The following C3 variants were observed in gnomAD, a reference collection of about 807,000 sequenced individuals.
The protein encoded by C3 is C3 and PZP-like alpha-2-macroglobulin domain-containing protein 1.
In C3, 97 loss-of-function variants were observed where a neutral mutation model predicts 207.9. The ratio of observed to expected loss-of-function variants is 0.47; its 90% CI spans 0.40 to 0.55. The LOEUF (loss-of-function observed/expected upper bound fraction) is 0.55. Among genes scored for constraint, C3 ranks in the 20% least tolerant of loss-of-function variants. The pLI, the probability that C3 is intolerant of heterozygous loss-of-function variation, is 0.00. For missense variants in C3, 1,684 were observed against 2,171.7 expected (o/e 0.78, Z 4.46); for synonymous variants, 848 against 857.6 (o/e 0.99, Z 0.20).
intron 8 of C3, 22 bp from the exon 9 acceptor site, chr19:6,713,337 CAG>C (rs1399315180): frequency 1.2e-6 from 2 of 1,613,732 alleles, no homozygotes; most frequent in African/African-American, 2.7e-5. Flanking sequence ...GAGGAGGGCT[CAG>C]AGAGGGGAGC....
At position 6,677,947 on chromosome 19, in the gene C3, G is replaced by C. The variant is rs1917752985; in HGVS notation, c.4927C>G (p.Gln1643Glu). 2 of 1,614,126 alleles carry C rather than the reference G, an allele frequency of 1.2e-6. No homozygotes were observed. The highest frequency in any genetic ancestry group is 1.7e-6 in the Non-Finnish European group (2 of 1,180,016). ...GCGCCGAGGTCCTGGCATTGTTTCT[G>C]GTTCTCTTCGTCTTGGCATTCGTCC... ...EEDECQDEEN[Q>E]KQCQDLGAFT... Residue 1643 changes from glutamine to glutamate, a missense_variant, in exon 41 of 41, where the codon CAG becomes GAG. Physicochemically the swap from Gln to Glu is conservative, Grantham distance 29. Coordinates refer to ENST00000245907, the MANE Select transcript of C3 (RefSeq NM_000064.4).
Position 6,689,361 on chromosome 19 carries a change from CT to C in C3, c.3489+1267del, listed in dbSNP as rs1918110940. On this transcript the variant is annotated intron_variant, in intron 27 of 40. Transcript: ENST00000245907. ...CCTCCCTCCCTCCCTCCCTCCCTCC[CT>C]CTCTCTCTCTCTCTCTCTCTCTCTC... 1.2e-3 allele frequency among the ~76,000 whole-genome samples: 59 copies of C among 47,552 alleles called. 1 individual carries two copies. The highest frequency in any genetic ancestry group is 4.3e-3 in the African/African-American group (52 of 12,088). The allele number at this position is 47,552 out of a possible 152,430, so 31.2% of individuals were successfully genotyped here.
At chr19:6,691,816 C>G (rs920499986) in intron 26 of C3, among the ~76,000 whole-genome samples, 6 of 152,096 alleles carry the variant, frequency 3.9e-5, no homozygotes, top group African/African-American at 1.2e-4. Flanking sequence ...GAAACCCCGT[C>G]TCTACTAAAA....
chr19:6,682,034 G>A lies in C3; in HGVS notation c.4261-4C>T. 1 of 1,613,770 alleles carries A rather than the reference G, an allele frequency of 6.2e-7. No homozygotes were observed. Among genetic ancestry groups the A allele is most frequent in the Non-Finnish European group, 8.5e-7 (1 of 1,179,672 alleles). On this transcript the variant is annotated splice_region_variant and splice_polypyrimidine_tract_variant and intron_variant, in intron 34 of 40. Transcript: ENST00000245907. Reference sequence around the variant, plus strand: ...ATCTGTCAACACCATTGGCCAGCTGGGGAAAGGTGGAGCCTGTGAAAAATC... The same window carrying A: ...ATCTGTCAACACCATTGGCCAGCTGAGGAAAGGTGGAGCCTGTGAAAAATC...
In C3 at chr19:6,707,229, T is replaced by A. The variant is rs778516486; in HGVS notation, c.2092A>T (p.Met698Leu). 1 of 1,613,438 alleles carries A rather than the reference T, an allele frequency of 6.2e-7. No individual in the cohort carries two copies. The highest frequency in any genetic ancestry group is 1.7e-5 in the Admixed American group (1 of 59,956). ...KELRKCCEDG[M>L]RENPMRFSCQ... ...GAGAACCTCATGGGGTTCTCCCGCA[T>A]GCCGTCCTCGCAGCACTTGCGCAGC... Residue 698 changes from methionine to leucine, a missense_variant, in exon 17 of 41, where the codon ATG (methionine) becomes TTG (leucine). Met to Leu is a conservative substitution (Grantham distance 15). This residue lies in a region of C3 where 1,280 missense variants were observed against 1,739.1 expected (regional missense o/e 0.74). Coordinates refer to ENST00000245907, the MANE Select transcript of C3 (RefSeq NM_000064.4).
Position 6,707,508 on chromosome 19 carries a change from G to T in C3, c.2005C>A (p.Arg669=), listed in dbSNP as rs1489455441. ...ELQCPQPAAR[R]RRSVQLTEKR... ...TCCGTGAGCTGCACGGAACGGCGTC[G>T]GCGGGCGGCTGGCTGCGGGCACTGA... Residue 669 remains arginine (R), a synonymous_variant, in exon 16 of 41, where the codon CGA becomes AGA. Transcript: ENST00000245907. 3 of 1,613,932 alleles carry T rather than the reference G, an allele frequency of 1.9e-6. No individual in the cohort carries two copies. Among genetic ancestry groups the T allele is most frequent in the Non-Finnish European group, 2.5e-6 (3 of 1,179,978 alleles).
intron 1 of C3, 90 bp downstream of exon 1, chr19:6,720,426 C>T: frequency 1.1e-6 from 1 of 911,872 alleles, no homozygotes; most frequent in South Asian, 1.4e-5. Context: ...CACCCAAATG[C>T]ACCCTGAATT....
chr19:6,687,727 T>C (rs1370179311), intron 27 of C3, among the ~76,000 whole-genome samples: 1 of 152,214 alleles, frequency 6.6e-6, no homozygotes, highest in African/African-American at 2.4e-5. Context: ...CCCAAGAGTA[T>C]AGATTATGGG....
Position 6,719,082 on chromosome 19 carries a change from G to A in C3, c.267+129C>T. 1.2e-6 allele frequency: 1 copy of A among 833,942 alleles called. No individual in the cohort carries two copies. 51.7% of individuals were successfully genotyped at this position (833,942 alleles called of 1,614,324 possible). On this transcript the variant is annotated intron_variant, in intron 2 of 40. Coordinates refer to ENST00000245907, the MANE Select transcript of C3 (RefSeq NM_000064.4). This position sits in a 1 kb window ranked among gnomAD's most constrained non-coding sequence, Gnocchi z 5.4. ...GGGGCTTAGAAGGAGAGGCGACTCCGAAGGGGTGGAGTCTCAGGGAAGGGC... is the reference window on the plus strand; with the variant it reads ...GGGGCTTAGAAGGAGAGGCGACTCCAAAGGGGTGGAGTCTCAGGGAAGGGC...
At position 6,682,360 on chromosome 19, in the gene C3, A is replaced by G. The variant is rs10853995; in HGVS notation, c.4173-131T>C. Reference sequence around the variant, plus strand: ...ACATAGCAGCACAGAGGGGCGTTACATTTTTTAGGAAACATTTCCCCAAAG... The same window carrying G: ...ACATAGCAGCACAGAGGGGCGTTACGTTTTTTAGGAAACATTTCCCCAAAG... On this transcript the variant is annotated intron_variant, in intron 33 of 40. Coordinates refer to ENST00000245907, the MANE Select transcript of C3 (RefSeq NM_000064.4). 1.8e-3 allele frequency: 1,275 copies of G among 720,000 alleles called. 13 individuals are homozygous for G. In the African/African-American group the frequency reaches 0.02, roughly 11 times the overall value. 44.6% of individuals were successfully genotyped at this position (720,000 alleles called of 1,614,324 possible). A position where few individuals can be genotyped will look rare whatever the true frequency, so the allele number is the denominator to read the frequency against.
At chr19:6,698,702 C>T (rs1967591213) in intron 19 of C3, among the ~76,000 whole-genome samples, 1 of 152,068 alleles carries the variant, frequency 6.6e-6, no homozygotes, top group African/African-American at 2.4e-5. Flanking sequence ...GAGTGAGATC[C>T]TGTCTGTAAA....
At chr19:6,694,695 G>A (rs1918264367) in intron 23 of C3, 61 bp from the exon 24 acceptor site, 4 of 1,502,402 alleles carry the variant, frequency 2.7e-6, no homozygotes, top group South Asian at 1.2e-5. Flanking sequence ...TTGGGGTGGC[G>A]TGAAAAGGGT....
intron 33 of C3, 151 bp downstream of exon 33, chr19:6,684,237 T>C: frequency 1.3e-6 from 1 of 770,554 alleles, no homozygotes; most frequent in Non-Finnish European, 2.4e-6. Flanking sequence ...GCAAGGACTG[T>C]CTGTGTTGTC....
intron 27 of C3, among the ~76,000 whole-genome samples, chr19:6,687,107 A>G (rs573011456): frequency 6.6e-6 from 1 of 152,278 alleles, no homozygotes; most frequent in African/African-American, 2.4e-5. Flanking sequence ...TATCTGGAGA[A>G]ATCCACGTAC....
chr19:6,682,399 AG>A, intron 33 of C3, 170 bp from the exon 34 acceptor site: 1 of 654,618 alleles, frequency 1.5e-6, no homozygotes, highest in African/African-American at 1.8e-5. Flanking sequence ...ATAAAAAGCA[AG>A]GTAATGTAAT....
At chr19:6,685,604 C>A (rs1917984027) in intron 29 of C3, among the ~76,000 whole-genome samples, 1 of 152,108 alleles carries the variant, frequency 6.6e-6, no homozygotes, top group South Asian at 2.1e-4. Context: ...GACAGACCAC[C>A]AGAAAGAAAG....
In C3 at chr19:6,695,225, A is replaced by T. The variant is rs570014327; in HGVS notation, c.2951-591T>A. ...GCTGGGGTTGCAGTGAGCCGAGATC[A>T]CGCCACTGCACTCTAGCCTGGCGAC... On this transcript the variant is annotated intron_variant, in intron 23 of 40. Coordinates refer to ENST00000245907, the MANE Select transcript of C3 (RefSeq NM_000064.4). 3.9e-4 allele frequency among the ~76,000 whole-genome samples: 59 copies of T among 150,688 alleles called. 1 individual carries two copies. The South Asian group carries it at 0.012, about 30-fold the overall frequency.
rs1599522710 is a variant in C3 at position 6,710,804 on chromosome 19, C to A, written c.1521G>T (p.Val507=). The A allele has an allele frequency of 1.9e-6, 3 of 1,613,990 alleles. 1 individual carries two copies. The South Asian group carries it at 3.3e-5, about 18-fold the overall frequency. ...KGRLLKAGRQ[V]REPGQDLVVL... The stretch of plus-strand genomic sequence containing the variant: ...CCACCAGGTCCTGGCCGGGCTCTCG[C>A]ACCTGGCGTCCCGCCTTCAACAGCC... The change falls in exon 13 of 41, where the codon GTG becomes GTT. Residue 507 remains valine, a synonymous_variant. Transcript: ENST00000245907.
intron 17 of C3, among the ~76,000 whole-genome samples, chr19:6,705,675 T>C (rs1967759384): frequency 6.7e-6 from 1 of 148,524 alleles, no homozygotes; most frequent in African/African-American, 2.5e-5. Context: ...TTTTTTTGTT[T>C]TGTTTTGTTT....
Sources: allele counts gnomAD v4.1 joint callset (sites outside exome capture counted in the v4.1 genomes callset), GRCh38; gene constraint gnomAD v4.1.1; regional missense constraint gnomAD v4.1.1; non-coding constraint Gnocchi (gnomAD v3.1); transcripts MANE v1.5; gene names NCBI Gene and HGNC (gene_info 2026-07-23, HGNC 2026-07-21).